HS6ST3: variants seen among roughly 807,000 people sequenced by gnomAD.
The protein encoded by HS6ST3 is heparan-sulfate 6-O-sulfotransferase 3.
In HS6ST3, 12 loss-of-function variants were observed where a neutral mutation model predicts 36.7. The observed-to-expected ratio is 0.33, with a 90% CI of 0.21 to 0.53. The LOEUF is 0.53. HS6ST3 is among the 20% of genes least tolerant of loss of function. The probability of loss-of-function intolerance (pLI) is 0.95; values close to 1 mark genes in which losing one functional copy is unlikely to be tolerated. For missense variants in HS6ST3, 584 were observed against 640.9 expected (o/e 0.91, Z 0.96); for synonymous variants, 240 against 257.5 (o/e 0.93, Z 0.65).
intron 1 of HS6ST3, among the ~76,000 whole-genome samples, chr13:96,247,465 G>A (rs2054589926): frequency 6.6e-6 from 1 of 151,990 alleles, no homozygotes; most frequent in African/African-American, 2.4e-5. Context: ...TAAGTGGCAA[G>A]TTCCTCTTTG....
At chr13:96,513,002 G>A (rs1007670929) in intron 1 of HS6ST3, among the ~76,000 whole-genome samples, 3 of 151,500 alleles carry the variant, frequency 2.0e-5, no homozygotes, top group East Asian at 1.9e-4. Flanking sequence ...GTTCTTATAC[G>A]CTTGAGAATA....
rs576495015 is a variant in HS6ST3, at chr13:96,578,654, G to C, written c.708-253836G>C. 2.6e-5 allele frequency among the ~76,000 whole-genome samples: 4 copies of C among 152,138 alleles called. No individual in the cohort carries two copies. The East Asian group carries it at 7.7e-4, about 29-fold the overall frequency. On this transcript the variant is annotated intron_variant, in intron 1 of 1. Coordinates refer to ENST00000376705, the MANE Select transcript of HS6ST3 (RefSeq NM_153456.4). ...CAGCTCACTTCAACCTCTGCTTTCC[G>C]GGTCAAGCGGTTCTCCCACCTCAGC...
chr13:96,254,050 A>G, intron 1 of HS6ST3, among the ~76,000 whole-genome samples: 1 of 152,162 alleles, frequency 6.6e-6, no homozygotes. Flanking sequence ...TATTTGGAGT[A>G]CAGCCTTAAT....
chr13:96,156,051 A>T (rs1045723197), intron 1 of HS6ST3, among the ~76,000 whole-genome samples: 1 of 152,196 alleles, frequency 6.6e-6, no homozygotes, highest in African/African-American at 2.4e-5. Flanking sequence ...ATATAGAATC[A>T]TCTAACAATC....
intron 1 of HS6ST3, among the ~76,000 whole-genome samples, chr13:96,778,180 G>C (rs774876141): frequency 6.6e-6 from 1 of 152,018 alleles, no homozygotes; most frequent in African/African-American, 2.4e-5. Flanking sequence ...GACTCAAGAC[G>C]GATTAAAGAC....
At chr13:96,513,228 A>G (rs1364140937) in intron 1 of HS6ST3, among the ~76,000 whole-genome samples, 2 of 150,542 alleles carry the variant, frequency 1.3e-5, no homozygotes, top group African/African-American at 4.9e-5. Flanking sequence ...AAGTCCAGTG[A>G]CTTTCCACAA....
At chr13:96,500,467 A>G (rs1242069957) in intron 1 of HS6ST3, among the ~76,000 whole-genome samples, 4 of 152,172 alleles carry the variant, frequency 2.6e-5, no homozygotes, top group African/African-American at 9.7e-5. Flanking sequence ...GACCTCTGTT[A>G]CCATTTCGTC....
chr13:96,091,855 GCCTC>G (rs939974345), intron 1 of HS6ST3, among the ~76,000 whole-genome samples: 16 of 152,050 alleles, frequency 1.1e-4, no homozygotes, highest in African/African-American at 3.4e-4. Context: ...GCACGGCCTG[GCCTC>G]CCTCCCAGTG....
At chr13:96,227,149 A>G (rs778671449) in intron 1 of HS6ST3, among the ~76,000 whole-genome samples, 1 of 152,186 alleles carries the variant, frequency 6.6e-6, no homozygotes, top group Non-Finnish European at 1.5e-5. Context: ...AAAAGTACAA[A>G]TACGGCTCCC....
At chr13:96,713,172 C>T (rs984737216) in intron 1 of HS6ST3, among the ~76,000 whole-genome samples, 1 of 152,138 alleles carries the variant, frequency 6.6e-6, no homozygotes, top group Non-Finnish European at 1.5e-5. Flanking sequence ...TACAAAGAAG[C>T]ATTTATAGCC....
chr13:96,255,686 T>C (rs1419041187), intron 1 of HS6ST3, among the ~76,000 whole-genome samples: 1 of 152,208 alleles, frequency 6.6e-6, no homozygotes, highest in African/African-American at 2.4e-5. Flanking sequence ...TAAAACTTGC[T>C]GAAAGAGTGC....
intron 1 of HS6ST3, among the ~76,000 whole-genome samples, chr13:96,274,523 A>T (rs1201097066): frequency 6.6e-6 from 1 of 152,062 alleles, no homozygotes; most frequent in Non-Finnish European, 1.5e-5. Flanking sequence ...GTTGGGTGGA[A>T]CTTTTCTTGA....
At chr13:96,605,927 T>A (rs574071243) in intron 1 of HS6ST3, among the ~76,000 whole-genome samples, 1 of 150,098 alleles carries the variant, frequency 6.7e-6, no homozygotes, top group East Asian at 2.0e-4. Context: ...CAGGGACAGA[T>A]ACTTCTTAAA....
chr13:96,571,296 A>G (rs1430380697), intron 1 of HS6ST3, among the ~76,000 whole-genome samples: 1 of 152,164 alleles, frequency 6.6e-6, no homozygotes, highest in African/African-American at 2.4e-5. Context: ...CATGCAAATC[A>G]GTGGAACATG....
At chr13:96,141,122 A>G (rs1472463025) in intron 1 of HS6ST3, among the ~76,000 whole-genome samples, 2 of 152,202 alleles carry the variant, frequency 1.3e-5, no homozygotes, top group African/African-American at 4.8e-5. Context: ...TAAGACAGGA[A>G]AAGACAGGCT....
chr13:96,522,537 A>G (rs1340996400), intron 1 of HS6ST3, among the ~76,000 whole-genome samples: 1 of 152,164 alleles, frequency 6.6e-6, no homozygotes, highest in Non-Finnish European at 1.5e-5. Flanking sequence ...GTGCTCCTGT[A>G]TTGGGTGCAT....
At chr13:96,437,750 A>G (rs1247192906) in intron 1 of HS6ST3, among the ~76,000 whole-genome samples, 2 of 152,254 alleles carry the variant, frequency 1.3e-5, no homozygotes, top group Non-Finnish European at 2.9e-5. Context: ...TAGTCAGTTC[A>G]TAACATGCTA....
intron 1 of HS6ST3, among the ~76,000 whole-genome samples, chr13:96,751,770 A>T (rs1594851827): frequency 6.6e-6 from 1 of 151,880 alleles, no homozygotes; most frequent in East Asian, 1.9e-4. Flanking sequence ...GTGTATATAT[A>T]TGTGTACATA....
intron 1 of HS6ST3, among the ~76,000 whole-genome samples, chr13:96,129,979 C>G (rs1162038056): frequency 6.6e-6 from 1 of 152,062 alleles, no homozygotes; most frequent in Non-Finnish European, 1.5e-5. Flanking sequence ...TCATGCCAGC[C>G]CTAGGAAACA....
Sources: gnomAD v4.1 joint callset for allele counts (sites outside exome capture counted in the v4.1 genomes callset) on GRCh38, gnomAD v4.1.1 for gene constraint, MANE v1.5 for transcripts, NCBI Gene and HGNC (gene_info 2026-07-23, HGNC 2026-07-21) for gene names.